The following DCDC2C variants were observed in gnomAD, a reference collection of about 807,000 sequenced individuals.
DCDC2C encodes the protein doublecortin domain-containing protein 2C.
In DCDC2C, 44 loss-of-function variants were observed where a neutral mutation model predicts 45.0. That is an observed-to-expected ratio of 0.98 (90% CI 0.77 to 1.26). The LOEUF (loss-of-function observed/expected upper bound fraction) is 1.26. Ranked by LOEUF, DCDC2C falls within the 50% of genes most tolerant of loss-of-function variation. The pLI, the probability that DCDC2C is intolerant of heterozygous loss-of-function variation, is 0.00. For synonymous variants in DCDC2C, 187 were observed against 178.8 expected (o/e 1.05, Z -0.37); for missense variants, 447 against 468.9 (o/e 0.95, Z 0.43).
chr2:3,760,035 T>A (rs1314065285), intron 6 of DCDC2C, among the ~76,000 whole-genome samples: 1 of 152,222 alleles, frequency 6.6e-6, no homozygotes, highest in East Asian at 1.9e-4. Context: ...TGGACCTCCC[T>A]TCTGTGGGTC....
intron 3 of DCDC2C, among the ~76,000 whole-genome samples, chr2:3,738,919 C>T (rs547612998): frequency 6.6e-6 from 1 of 152,306 alleles, no homozygotes; most frequent in Non-Finnish European, 1.5e-5. Flanking sequence ...TGGAGTTGTT[C>T]ATTCAGCTAC....
chr2:3,797,620 G>T (rs374821969), intron 10 of DCDC2C, among the ~76,000 whole-genome samples: 14,399 of 147,606 alleles, frequency 0.098, 961 homozygotes, highest in East Asian at 0.29. Context: ...CCTTCATTTC[G>T]TTATGTACCC....
intron 4 of DCDC2C, among the ~76,000 whole-genome samples, chr2:3,744,939 G>A (rs1266673114): frequency 2.0e-5 from 3 of 152,166 alleles, no homozygotes; most frequent in African/African-American, 7.2e-5. Flanking sequence ...ATAGACCTGT[G>A]TATACTTCTG....
rs553681101 is a variant in DCDC2C at position 3,772,195 on chromosome 2, C to T, written c.954+2784C>T. On this transcript the variant is annotated intron_variant, in intron 8 of 10. Transcript: ENST00000399143. Reference sequence around the variant, plus strand: ...TCATGAATGCAGAGTCCTCCAAATCCCAGGCCATTGCTTCGTGGTCAGTGA... The same window carrying T: ...TCATGAATGCAGAGTCCTCCAAATCTCAGGCCATTGCTTCGTGGTCAGTGA... 2.6e-5 allele frequency among the ~76,000 whole-genome samples: 4 copies of T among 152,258 alleles called. No individual in the cohort carries two copies. In the South Asian group the frequency reaches 8.3e-4, roughly 32 times the overall value.
intron 10 of DCDC2C, among the ~76,000 whole-genome samples, chr2:3,791,063 C>T (rs1044310783): frequency 2.2e-4 from 34 of 152,124 alleles, no homozygotes; most frequent in African/African-American, 6.0e-4. Context: ...GAGCCGAGAT[C>T]GCGCCACTGC....
intron 3 of DCDC2C, among the ~76,000 whole-genome samples, chr2:3,738,539 G>GAAAAAAAAAAAAAAAA (rs752819998): frequency 1.8e-5 from 1 of 55,248 alleles, no homozygotes. Context: ...GGTCTATCTG[G>GAAAAAAAAAAAAAAAA]GAAAAAAAAA....
At chr2:3,736,383 G>A (rs559931826) in intron 3 of DCDC2C, among the ~76,000 whole-genome samples, 42 of 152,332 alleles carry the variant, frequency 2.8e-4, no homozygotes, top group African/African-American at 7.0e-4. Context: ...TCGGAGGAAC[G>A]GAGCAGGAGA....
At position 3,774,387 on chromosome 2, in the gene DCDC2C, G is replaced by A. The variant is rs554411811; in HGVS notation, c.955-4429G>A. Reference sequence around the variant, plus strand: ...AGAAGGACTCGAGCCTTCCGTGTGGGAGAGGCTCTGGGGTTGGCCCCCTCG... The same window carrying A: ...AGAAGGACTCGAGCCTTCCGTGTGGAAGAGGCTCTGGGGTTGGCCCCCTCG... On this transcript the variant is annotated intron_variant, in intron 8 of 10. Transcript: ENST00000399143. 2.1e-3 allele frequency among the ~76,000 whole-genome samples: 319 copies of A among 152,376 alleles called. 1 individual carries two copies. The highest frequency in any genetic ancestry group is 3.4e-3 in the Middle Eastern group (1 of 294).
chr2:3,809,493 G>A (rs1233756537), intron 10 of DCDC2C, among the ~76,000 whole-genome samples: 2 of 152,060 alleles, frequency 1.3e-5, no homozygotes, highest in Admixed American at 6.6e-5. Context: ...ATTGTACATG[G>A]CACTTAAAAT....
chr2:3,730,650 G>A (rs1337273711), intron 3 of DCDC2C, among the ~76,000 whole-genome samples: 6 of 152,088 alleles, frequency 3.9e-5, no homozygotes, highest in Non-Finnish European at 8.8e-5. Context: ...ATAACGACTG[G>A]TCAGCTGCTT....
At chr2:3,834,410 T>C (rs1358464127) in intron 10 of DCDC2C, among the ~76,000 whole-genome samples, 1 of 152,202 alleles carries the variant, frequency 6.6e-6, no homozygotes, top group Non-Finnish European at 1.5e-5. Flanking sequence ...ACTACCTCCA[T>C]GGTTTCACCG....
intron 2 of DCDC2C, among the ~76,000 whole-genome samples, chr2:3,722,969 G>T (rs1668538558): frequency 6.6e-6 from 1 of 152,106 alleles, no homozygotes; most frequent in African/African-American, 2.4e-5. Context: ...CATTAGTTTT[G>T]TTACCATGAG....
At chr2:3,724,419 A>G (rs1459979183) in intron 2 of DCDC2C, among the ~76,000 whole-genome samples, 2 of 152,092 alleles carry the variant, frequency 1.3e-5, no homozygotes, top group Non-Finnish European at 2.9e-5. Flanking sequence ...AGCCCCCATG[A>G]GACACACCTC....
At chr2:3,839,760 C>T (rs1672163429) in intron 10 of DCDC2C, among the ~76,000 whole-genome samples, 1 of 152,198 alleles carries the variant, frequency 6.6e-6, no homozygotes, top group Non-Finnish European at 1.5e-5. Context: ...GCATCTGCTC[C>T]CACACGTCTT....
At chr2:3,846,954 C>T (rs551073240) in intron 10 of DCDC2C, among the ~76,000 whole-genome samples, 200 bp from the exon 11 acceptor site, 4 of 152,208 alleles carry the variant, frequency 2.6e-5, no homozygotes, top group South Asian at 4.1e-4. Flanking sequence ...CGGTTCTGCA[C>T]GGCGGCATGT....
chr2:3,767,519 C>T (rs1318403676), intron 6 of DCDC2C, among the ~76,000 whole-genome samples: 3 of 152,226 alleles, frequency 2.0e-5, no homozygotes, highest in Admixed American at 2.0e-4. Context: ...CCTTCTCTGC[C>T]TGCCAAGGCA....
Position 3,741,934 on chromosome 2 carries a change from G to C in DCDC2C, c.431G>C (p.Gly144Ala). ...ISRHINVFTN[G>A]RLFIPPAKII... ...TATTCTTACAGTGTTTTTACAAATGGAAGATTATTTATTCCACCTGCAAAA... is the reference window on the plus strand; with the variant it reads ...TATTCTTACAGTGTTTTTACAAATGCAAGATTATTTATTCCACCTGCAAAA... Residue 144 changes from glycine (G) to alanine (A), a missense_variant, in exon 4 of 11, where the codon GGA becomes GCA. Transcript: ENST00000399143. 1 of 1,547,564 alleles carries C rather than the reference G, an allele frequency of 6.5e-7. No homozygotes were observed. Among genetic ancestry groups the C allele is most frequent in the South Asian group, 1.2e-5 (1 of 83,068 alleles).
chr2:3,788,998 C>T (rs187826950), intron 10 of DCDC2C, among the ~76,000 whole-genome samples: 123 of 152,152 alleles, frequency 8.1e-4, no homozygotes, highest in South Asian at 1.5e-3. Flanking sequence ...GCACGTGTGC[C>T]GCCATACCCA....
chr2:3,759,250 AG>A (rs1266907054), intron 6 of DCDC2C, among the ~76,000 whole-genome samples: 2 of 152,190 alleles, frequency 1.3e-5, no homozygotes, highest in Non-Finnish European at 2.9e-5. Flanking sequence ...GAGGGTATTC[AG>A]GTGATTTGTT....
Sources: gnomAD v4.1 joint callset for allele counts (sites outside exome capture counted in the v4.1 genomes callset) on GRCh38, gnomAD v4.1.1 for gene constraint, MANE v1.5 for transcripts, NCBI Gene and HGNC (gene_info 2026-07-23, HGNC 2026-07-21) for gene names.